The following SULF2 variants were observed in gnomAD, a reference collection of about 807,000 sequenced individuals.
SULF2 encodes the protein extracellular sulfatase Sulf-2.
SULF2 carries 52 observed loss-of-function variants against 107.7 expected under a neutral mutation model. That is an observed-to-expected ratio of 0.48 (90% confidence interval 0.39 to 0.61). SULF2 has a LOEUF of 0.61. Among genes scored for constraint, SULF2 ranks in the 20% least tolerant of loss-of-function variants. The pLI is 0.00. For synonymous variants in SULF2, 460 were observed against 464.3 expected, an observed-to-expected ratio of 0.99 and a Z score of 0.12; for missense variants, 993 against 1,177.3, an observed-to-expected ratio of 0.84 and a Z score of 2.29.
rs910959103 is a variant in SULF2 at position 47,678,387 on chromosome 20, A to G, written c.1193+289T>C. 5.2e-6 allele frequency: 2 copies of G among 382,396 alleles called. No individual in the cohort carries two copies. The highest frequency in any genetic ancestry group is 9.9e-6 in the Non-Finnish European group (2 of 202,116). The allele number at this position is 382,396 out of a possible 1,614,324, so 23.7% of individuals were successfully genotyped here. On this transcript the variant is annotated intron_variant, in intron 8 of 20. Transcript: ENST00000688720. The surrounding 1 kb of genome is among the most constrained non-coding windows in gnomAD (Gnocchi z 4.5). Reference sequence around the variant, plus strand: ...CCTCACACACAAGCGCCGTGCAGTTAGCACCATCTCCTACCATCACTGCTG... The same window carrying G: ...CCTCACACACAAGCGCCGTGCAGTTGGCACCATCTCCTACCATCACTGCTG...
chr20:47,704,202 G>C (rs2088655969), intron 3 of SULF2, among the ~76,000 whole-genome samples: 1 of 152,164 alleles, frequency 6.6e-6, no homozygotes, highest in Non-Finnish European at 1.5e-5. Flanking sequence ...GGAAGGGGAT[G>C]TGCCTAAAAG....
chr20:47,671,301 G>A (rs1247484461), intron 11 of SULF2, among the ~76,000 whole-genome samples: 5 of 152,118 alleles, frequency 3.3e-5, no homozygotes, highest in Non-Finnish European at 7.4e-5. Context: ...TGTTCTTCAG[G>A]GTAGTTTATT....
intron 3 of SULF2, among the ~76,000 whole-genome samples, chr20:47,717,685 C>CTTTTGAAGGAAGCCCA (rs1293030268): frequency 6.6e-6 from 1 of 152,146 alleles, no homozygotes; most frequent in African/African-American, 2.4e-5. Flanking sequence ...CGGCCGTGGG[C>CTTTTGAAGGAAGCCCA]TTTTGAAGGA....
intron 7 of SULF2, among the ~76,000 whole-genome samples, chr20:47,681,338 C>T (rs1165045508): frequency 6.6e-6 from 1 of 152,138 alleles, no homozygotes; most frequent in African/African-American, 2.4e-5. Context: ...CTGACAGATA[C>T]CGTGTGTCTT....
At chr20:47,718,125 G>A (rs1330085676) in intron 3 of SULF2, among the ~76,000 whole-genome samples, 1 of 152,120 alleles carries the variant, frequency 6.6e-6, no homozygotes, top group East Asian at 1.9e-4. Flanking sequence ...CCTCAGAAAT[G>A]ATTTTTATCC....
chr20:47,714,343 G>A (rs60220256), intron 3 of SULF2, among the ~76,000 whole-genome samples: 4,945 of 152,218 alleles, frequency 0.032, 255 homozygotes, highest in African/African-American at 0.1. Flanking sequence ...TTTTCGCCCT[G>A]TGATCCATAC....
intron 1 of SULF2, among the ~76,000 whole-genome samples, chr20:47,778,449 G>A (rs967439418): frequency 1.3e-5 from 2 of 152,246 alleles, no homozygotes; most frequent in Non-Finnish European, 2.9e-5. Flanking sequence ...CCATGGCAGA[G>A]GCCAGGGCCA....
At chr20:47,763,616 G>A (rs772347808) in intron 1 of SULF2, among the ~76,000 whole-genome samples, 56 of 152,274 alleles carry the variant, frequency 3.7e-4, no homozygotes, top group Non-Finnish European at 6.2e-4. Flanking sequence ...TACGTCCCAC[G>A]GGCTGGGGCC....
intron 2 of SULF2, among the ~76,000 whole-genome samples, chr20:47,747,549 C>T (rs937165957): frequency 1.3e-5 from 2 of 152,052 alleles, no homozygotes; most frequent in Non-Finnish European, 2.9e-5. Context: ...GAAACTCCAC[C>T]CAGAAATATT....
At chr20:47,681,780 G>A (rs1170090947) in intron 7 of SULF2, among the ~76,000 whole-genome samples, 2 of 152,192 alleles carry the variant, frequency 1.3e-5, no homozygotes, top group African/African-American at 2.4e-5. Flanking sequence ...CCACCTCCCA[G>A]GTTCAAGCGA....
chr20:47,690,223 T>G lies in SULF2; in HGVS notation c.640A>C (p.Arg214=). The part of the protein sequence containing the change: ...FRTSKKMYPH[R]PVLMVISHAA... Reference sequence around the variant, plus strand: ...TGGCTGATGACCATGAGGACTGGCCTGTGCGGGTACATCTTCTTGGACGTG... The same window carrying G: ...TGGCTGATGACCATGAGGACTGGCCGGTGCGGGTACATCTTCTTGGACGTG... Residue 214 remains arginine, a synonymous_variant, in exon 5 of 21, where the codon AGG becomes CGG. Coordinates refer to ENST00000688720, the MANE Select transcript of SULF2 (RefSeq NM_001387048.1). 1 of 1,576,750 alleles carries G rather than the reference T, an allele frequency of 6.3e-7. No individual in the cohort carries two copies. Among genetic ancestry groups the G allele is most frequent in the Non-Finnish European group, 8.6e-7 (1 of 1,158,380 alleles).
In SULF2 at chr20:47,678,521, T is replaced by C; in HGVS notation, c.1193+155A>G. 1 of 941,184 alleles carries C rather than the reference T, an allele frequency of 1.1e-6. No individual in the cohort carries two copies. The highest frequency in any genetic ancestry group is 1.6e-6 in the Non-Finnish European group (1 of 626,234). 58.3% of individuals were successfully genotyped at this position (941,184 alleles called of 1,614,324 possible). On this transcript the variant is annotated intron_variant, in intron 8 of 20. Coordinates refer to ENST00000688720, the MANE Select transcript of SULF2 (RefSeq NM_001387048.1). The surrounding 1 kb of genome is among the most constrained non-coding windows in gnomAD (Gnocchi z 4.5). ...AATCTCGGAGAGGGGACCATGCTTC[T>C]CTCCCACAGCAGGTAAGTGGTTGGC...
intron 1 of SULF2, among the ~76,000 whole-genome samples, chr20:47,771,713 G>C (rs1437472491): frequency 6.6e-6 from 1 of 152,140 alleles, no homozygotes; most frequent in Non-Finnish European, 1.5e-5. Flanking sequence ...GATGGGGCGG[G>C]GGCGGGGGCA....
chr20:47,676,634 G>C lies in SULF2; in HGVS notation c.1251-11C>G. The C allele has an allele frequency of 6.5e-7, 1 of 1,549,364 alleles. No individual in the cohort carries two copies. The highest frequency in any genetic ancestry group is 8.7e-7 in the Non-Finnish European group (1 of 1,147,146). ...TTGTGTAGCAGCTTGCTATGGGGCA[G>C]AGAGCAGGAGCCGCGGGGCCGGCCT... On this transcript the variant is annotated splice_polypyrimidine_tract_variant and intron_variant, in intron 9 of 20. Transcript: ENST00000688720.
At chr20:47,687,269 C>T (rs1034357265) in intron 5 of SULF2, among the ~76,000 whole-genome samples, 1 of 152,124 alleles carries the variant, frequency 6.6e-6, no homozygotes. Context: ...TTGGGGTCGA[C>T]GCCAGCTTGC....
At chr20:47,708,941 T>C (rs1350873004) in intron 3 of SULF2, among the ~76,000 whole-genome samples, 1 of 151,942 alleles carries the variant, frequency 6.6e-6, no homozygotes, top group Non-Finnish European at 1.5e-5. Context: ...CCAAAAAGGG[T>C]GTATTATTCA....
intron 2 of SULF2, among the ~76,000 whole-genome samples, chr20:47,754,220 G>A (rs183949425): frequency 1.0e-3 from 154 of 152,332 alleles, no homozygotes; most frequent in Non-Finnish European, 1.5e-3. Flanking sequence ...GAGGATGGAC[G>A]TCTGTTCTCT....
intron 7 of SULF2, among the ~76,000 whole-genome samples, chr20:47,682,440 C>A (rs903800534): frequency 3.3e-5 from 5 of 152,230 alleles, no homozygotes; most frequent in African/African-American, 4.8e-5. Flanking sequence ...TGTCCGCTCC[C>A]CTGCCCCAGA....
In SULF2 at chr20:47,663,054, C is replaced by G. The variant is rs540014121; in HGVS notation, c.2370+16G>C. 5 of 1,614,036 alleles carry G rather than the reference C, an allele frequency of 3.1e-6. No individual in the cohort carries two copies. The African/African-American group carries it at 6.7e-5, about 22-fold the overall frequency. On this transcript the variant is annotated intron_variant, in intron 17 of 20. Coordinates refer to ENST00000688720, the MANE Select transcript of SULF2 (RefSeq NM_001387048.1). ...GTACCCCACACCCCCATCCCTCTAG[C>G]TCGGGTTGCCTGTACCTGGTAGGGG...
Sources: allele counts gnomAD v4.1 joint callset (sites outside exome capture counted in the v4.1 genomes callset), GRCh38; gene constraint gnomAD v4.1.1; non-coding constraint Gnocchi (gnomAD v3.1); transcripts MANE v1.5; gene names NCBI Gene and HGNC (gene_info 2026-07-23, HGNC 2026-07-21).